Variants in PARVB observed in about 807,000 individuals in gnomAD.
The protein encoded by PARVB is parvin beta.
In PARVB, 46 loss-of-function variants were observed where a neutral mutation model predicts 47.0. The ratio of observed to expected loss-of-function variants is 0.98; its 90% CI spans 0.77 to 1.25. The LOEUF (loss-of-function observed/expected upper bound fraction) is 1.25, where lower values mean the gene tolerates loss of function less well. Among genes scored for constraint, PARVB ranks in the 50% most tolerant of loss-of-function variants. The pLI is 0.00. For synonymous variants in PARVB, 196 were observed against 196.3 expected, an observed-to-expected ratio of 1.00 and a Z score of 0.01; for missense variants, 473 against 471.6, an observed-to-expected ratio of 1.00 and a Z score of -0.03.
chr22:44,116,020 G>A (rs534404394), intron 3 of PARVB: 4 of 152,070 alleles, frequency 2.6e-5, no homozygotes, highest in Non-Finnish European at 5.9e-5. Flanking sequence ...CTATGGAGGT[G>A]CTTTATTCAG....
At chr22:44,107,903 T>G (rs1459017044) in intron 3 of PARVB, 3 of 151,722 alleles carry the variant, frequency 2.0e-5, no homozygotes, top group Admixed American at 2.0e-4. Context: ...AGACGGAGTC[T>G]CACACTGTCG....
chr22:44,071,066 C>T lies in PARVB; in HGVS notation c.113-22862C>T, dbSNP rs573672826. The stretch of plus-strand genomic sequence containing the variant: ...GTCCTGGAGCCCAGTATCACTCCAG[C>T]GACATTTCCCAGAGAGCATCCTGGG... On this transcript the variant is annotated intron_variant, in intron 1 of 12. Coordinates refer to ENST00000338758, the MANE Select transcript of PARVB (RefSeq NM_013327.5). 1.2e-4 allele frequency among the ~76,000 whole-genome samples: 19 copies of T among 152,260 alleles called. No individual in the cohort carries two copies. In the South Asian group the frequency reaches 2.3e-3, roughly 18 times the overall value.
At chr22:44,022,632 A>T (rs1375361056), upstream of PARVB, among the ~76,000 whole-genome samples, 1 of 151,830 alleles carries the variant, frequency 6.6e-6, no homozygotes, top group East Asian at 1.9e-4. Flanking sequence ...ATCTCAACCC[A>T]CACACCCAGA....
chr22:44,050,800 A>G (rs1031125382), intron 1 of PARVB, among the ~76,000 whole-genome samples: 1 of 152,154 alleles, frequency 6.6e-6, no homozygotes, highest in Non-Finnish European at 1.5e-5. Context: ...CACCTCTCTC[A>G]CCTGTCTTGC....
intron 2 of PARVB, among the ~76,000 whole-genome samples, chr22:44,000,612 C>T (rs775010767): frequency 1.3e-5 from 2 of 152,102 alleles, no homozygotes; most frequent in African/African-American, 4.8e-5. Flanking sequence ...TGAAGTTGTT[C>T]GATTGACGCA....
upstream of PARVB, among the ~76,000 whole-genome samples, chr22:44,021,773 A>G (rs958567612): frequency 2.0e-5 from 2 of 100,232 alleles, no homozygotes; most frequent in African/African-American, 8.3e-5. Flanking sequence ...ACACACACAC[A>G]CACACACACA....
At chr22:44,154,569 C>G (rs2053880261) in intron 10 of PARVB, among the ~76,000 whole-genome samples, 2 of 112,418 alleles carry the variant, frequency 1.8e-5, no homozygotes, top group African/African-American at 3.5e-5. Context: ...TTTATGTAGT[C>G]TGGTGTGTGT....
intron 1 of PARVB, among the ~76,000 whole-genome samples, chr22:44,061,118 C>T (rs5764075): frequency 0.091 from 13,890 of 152,096 alleles, 714 homozygotes; most frequent in Middle Eastern, 0.13. Flanking sequence ...CCTCGCCACG[C>T]GTGGGGACCC....
chr22:44,099,003 T>C (rs904773389), intron 2 of PARVB, among the ~76,000 whole-genome samples: 2 of 152,132 alleles, frequency 1.3e-5, no homozygotes, highest in African/African-American at 2.4e-5. Flanking sequence ...CTGACCGACA[T>C]GGTCAGTGTC....
chr22:44,053,503 G>A (rs2051249797), intron 1 of PARVB, among the ~76,000 whole-genome samples: 1 of 152,210 alleles, frequency 6.6e-6, no homozygotes, highest in Non-Finnish European at 1.5e-5. Flanking sequence ...TAGCGGGGAT[G>A]CCTGGGAAAG....
upstream of PARVB, among the ~76,000 whole-genome samples, chr22:44,020,560 C>T (rs76941531): frequency 5.1e-3 from 779 of 152,300 alleles, 11 homozygotes; most frequent in African/African-American, 0.018. Context: ...TTCTTACCCC[C>T]CTCAGGTTTG....
At chr22:44,132,167 C>A (rs1458922864) in intron 5 of PARVB, among the ~76,000 whole-genome samples, 1 of 152,170 alleles carries the variant, frequency 6.6e-6, no homozygotes, top group Non-Finnish European at 1.5e-5. Context: ...GGCTTCAGGG[C>A]TCTCTGTGCT....
chr22:44,034,297 A>C (rs965058536), intron 1 of PARVB, among the ~76,000 whole-genome samples: 28 of 123,468 alleles, frequency 2.3e-4, no homozygotes, highest in Non-Finnish European at 4.4e-4. Context: ...CTTTATACAT[A>C]TATATGTTTG....
chr22:44,007,322 C>G (rs1468025964), intron 2 of PARVB, among the ~76,000 whole-genome samples: 2 of 152,170 alleles, frequency 1.3e-5, no homozygotes, highest in Non-Finnish European at 2.9e-5. Context: ...CATCCTTTCC[C>G]GTGCTGCTTT....
chr22:44,087,848 T>TTTTG (rs1382825412), intron 1 of PARVB, among the ~76,000 whole-genome samples: 20 of 145,670 alleles, frequency 1.4e-4, no homozygotes, highest in African/African-American at 4.9e-4. Context: ...ACGATGGTGT[T>TTTTG]TTTTTTTTTT....
chr22:44,116,022 T>C (rs989502457), intron 3 of PARVB: 2 of 152,298 alleles, frequency 1.3e-5, no homozygotes, highest in Non-Finnish European at 2.9e-5. Flanking sequence ...ATGGAGGTGC[T>C]TTATTCAGAT....
rs571781488 is a variant in PARVB, at chr22:44,095,088, G to C, written c.202+1071G>C. Among the ~76,000 whole-genome samples, 6 of 145,932 alleles carry C rather than the reference G, an allele frequency of 4.1e-5. No homozygotes were observed. In the East Asian group the frequency reaches 9.7e-4, roughly 24 times the overall value. On this transcript the variant is annotated intron_variant, in intron 2 of 12. Transcript: ENST00000338758. ...GGGGACTCTGGGCTCTGCGGCTCAG[G>C]CTCTGAGTGGTTTTCATATGAAAGG...
upstream of PARVB, among the ~76,000 whole-genome samples, chr22:44,019,603 G>A (rs556341235): frequency 2.6e-5 from 4 of 152,330 alleles, no homozygotes; most frequent in East Asian, 5.8e-4. Context: ...GCATCTGCAC[G>A]GGTGAGGGCC....
chr22:44,171,143 C>T lies in PARVB; in HGVS notation c.*2465C>T, dbSNP rs1478040691. 2.0e-5 allele frequency: 3 copies of T among 152,382 alleles called. No individual in the cohort carries two copies. The highest frequency in any genetic ancestry group is 3.9e-4 in the East Asian group (2 of 5,188). The allele number at this position is 152,382 out of a possible 1,614,324, so 9.4% of individuals were successfully genotyped here. A position where few individuals can be genotyped will look rare whatever the true frequency, so the allele number is the denominator to read the frequency against. ...AGCTGGTGGAGTGGCCCAGCCTTGC[C>T]CTGCTCACAGGTGGACCTGGAGAGG... On this transcript the variant is annotated 3_prime_UTR_variant, in exon 13 of 13. Transcript: ENST00000338758.
Sources: gnomAD v4.1 joint callset for allele counts (sites outside exome capture counted in the v4.1 genomes callset) on GRCh38, gnomAD v4.1.1 for gene constraint, MANE v1.5 for transcripts, NCBI Gene and HGNC (gene_info 2026-07-23, HGNC 2026-07-21) for gene names.